The following RBFOX1 variants were observed in gnomAD, a reference collection of about 807,000 sequenced individuals.
The protein encoded by RBFOX1 is RNA binding protein fox-1 homolog 1.
A neutral mutation model predicts 57.7 loss-of-function variants in RBFOX1; 8 were observed. That is an observed-to-expected ratio of 0.14 (90% CI 0.08 to 0.25). RBFOX1 has a LOEUF of 0.25. Ranked by LOEUF, RBFOX1 falls within the 10% of genes least tolerant of loss-of-function variation. The pLI is 1.00. For synonymous variants in RBFOX1, 326 were observed against 222.4 expected (o/e 1.47, Z -4.15); for missense variants, 611 against 548.5 (o/e 1.11, Z -1.14).
At chr16:6,339,771 A>C (rs1160181585) in intron 2 of RBFOX1, among the ~76,000 whole-genome samples, 6 of 151,874 alleles carry the variant, frequency 4.0e-5, no homozygotes, top group Non-Finnish European at 5.9e-5. Flanking sequence ...CCCAGGTTCA[A>C]GCGATTCTCC....
intron 1 of RBFOX1, among the ~76,000 whole-genome samples, chr16:5,464,114 T>C (rs1355972269): frequency 6.6e-6 from 1 of 152,092 alleles, no homozygotes; most frequent in Non-Finnish European, 1.5e-5. Flanking sequence ...GCCTTCTGGG[T>C]GCCAGGAGGG....
At chr16:5,275,087 G>A (rs1332037856) in intron 1 of RBFOX1, among the ~76,000 whole-genome samples, 2 of 152,158 alleles carry the variant, frequency 1.3e-5, no homozygotes, top group African/African-American at 2.4e-5. Flanking sequence ...GCCACAATCC[G>A]CCTGTCAAGT....
Position 6,019,133 on chromosome 16 carries a change from C to T in RBFOX1, c.-986C>T, listed in dbSNP as rs557587994. 12 of 985,030 alleles carry T rather than the reference C, an allele frequency of 1.2e-5. No homozygotes were observed. The highest frequency in any genetic ancestry group is 6.2e-5 in the Admixed American group (1 of 16,230). 61.0% of individuals were successfully genotyped at this position (985,030 alleles called of 1,614,324 possible). ...TGCACACATTTTCTCGCGCTCTCTC[C>T]GGCTCTCCTTTGTTTATTTTCTAAT... On this transcript the variant is annotated 5_prime_UTR_variant, in exon 1 of 16. Transcript: ENST00000550418. This position sits in a 1 kb window ranked among gnomAD's most constrained non-coding sequence, Gnocchi z 4.2.
intron 4 of RBFOX1, among the ~76,000 whole-genome samples, chr16:7,213,593 C>T (rs1001746964): frequency 5.9e-5 from 9 of 152,034 alleles, no homozygotes; most frequent in African/African-American, 2.2e-4. Flanking sequence ...GAAATCATTC[C>T]CTTGGAGTAT....
intron 5 of RBFOX1, among the ~76,000 whole-genome samples, chr16:7,563,501 A>T (rs181221958): frequency 1.4e-3 from 207 of 152,144 alleles, no homozygotes; most frequent in Non-Finnish European, 1.3e-3. Flanking sequence ...AAAGTCTTAC[A>T]CTGTTGCCCA....
At position 6,870,681 on chromosome 16, in the gene RBFOX1, T is replaced by G. The variant is rs544393943; in HGVS notation, c.-15-181376T>G. On this transcript the variant is annotated intron_variant, in intron 3 of 15. Coordinates refer to ENST00000550418, the MANE Select transcript of RBFOX1 (RefSeq NM_018723.4). ...TGGGAATATTACCATAACCATAATTTTACAGCACAGTTTAATTATTTGGTT... is the reference window on the plus strand; with the variant it reads ...TGGGAATATTACCATAACCATAATTGTACAGCACAGTTTAATTATTTGGTT... Among the ~76,000 whole-genome samples the G allele has an allele frequency of 6.3e-4, 96 of 152,306 alleles. 1 individual carries two copies. Among genetic ancestry groups the G allele is most frequent in the African/African-American group, 2.3e-3 (94 of 41,584 alleles).
At chr16:7,553,405 A>G (rs181161821) in intron 5 of RBFOX1, among the ~76,000 whole-genome samples, 2 of 152,340 alleles carry the variant, frequency 1.3e-5, no homozygotes, top group Admixed American at 1.3e-4. Context: ...TTGGTCTTCC[A>G]AAGCACTGGG....
At chr16:7,191,424 T>C (rs895041399) in intron 4 of RBFOX1, among the ~76,000 whole-genome samples, 2 of 152,164 alleles carry the variant, frequency 1.3e-5, no homozygotes, top group African/African-American at 4.8e-5. Context: ...TGTTGTACAA[T>C]TGTCCTCATG....
intron 3 of RBFOX1, among the ~76,000 whole-genome samples, chr16:5,802,017 G>A (rs1358539464): frequency 6.6e-6 from 1 of 152,126 alleles, no homozygotes; most frequent in African/African-American, 2.4e-5. Flanking sequence ...TTCGCTGGAG[G>A]AAGAGGAGAC....
chr16:7,569,911 A>G (rs977726648), intron 5 of RBFOX1, among the ~76,000 whole-genome samples: 3 of 152,132 alleles, frequency 2.0e-5, no homozygotes, highest in Non-Finnish European at 2.9e-5. Context: ...TTTAACTTCA[A>G]TTTGAATGTA....
rs141088860 is a variant in RBFOX1, at chr16:7,122,225, G to A, written c.27+70127G>A. 5.9e-3 allele frequency among the ~76,000 whole-genome samples: 903 copies of A among 152,180 alleles called. 8 individuals carry two copies. Among genetic ancestry groups the A allele is most frequent in the Non-Finnish European group, 7.9e-3 (534 of 67,976 alleles). On this transcript the variant is annotated intron_variant, in intron 4 of 15. Coordinates refer to ENST00000550418, the MANE Select transcript of RBFOX1 (RefSeq NM_018723.4). ...TAAAAGAAAGAAAATACAAGAATCT[G>A]TAAAGAAATATTTGTAAACCACTCT...
At chr16:6,642,809 C>A (rs1374156534) in intron 2 of RBFOX1, among the ~76,000 whole-genome samples, 1 of 152,076 alleles carries the variant, frequency 6.6e-6, no homozygotes, top group Non-Finnish European at 1.5e-5. Flanking sequence ...TCCCCTTAGG[C>A]CCCCTGAAGA....
At chr16:6,500,498 A>C (rs987180348) in intron 2 of RBFOX1, among the ~76,000 whole-genome samples, 1 of 152,194 alleles carries the variant, frequency 6.6e-6, no homozygotes, top group African/African-American at 2.4e-5. Context: ...AGGTCTACAC[A>C]GATCAACTTT....
intron 3 of RBFOX1, among the ~76,000 whole-genome samples, chr16:6,692,069 T>C (rs1301336236): frequency 6.6e-6 from 1 of 152,220 alleles, no homozygotes; most frequent in African/African-American, 2.4e-5. Context: ...AGTCAGACTT[T>C]TAATATACAG....
chr16:7,342,829 A>G (rs1335927902), intron 4 of RBFOX1, among the ~76,000 whole-genome samples: 1 of 152,160 alleles, frequency 6.6e-6, no homozygotes, highest in African/African-American at 2.4e-5. Flanking sequence ...AATAGCCTGC[A>G]TAGTTGGAAT....
intron 3 of RBFOX1, among the ~76,000 whole-genome samples, chr16:6,842,489 A>G (rs867422876): frequency 6.6e-6 from 1 of 152,060 alleles, no homozygotes; most frequent in Non-Finnish European, 1.5e-5. Flanking sequence ...TGTTTAGAAA[A>G]ACCAAATTGA....
At chr16:6,252,016 G>C (rs2097617891) in intron 1 of RBFOX1, among the ~76,000 whole-genome samples, 1 of 151,098 alleles carries the variant, frequency 6.6e-6, no homozygotes, top group African/African-American at 2.5e-5. Context: ...TTAGGGTAAA[G>C]GAACTCCAGC....
chr16:6,468,344 C>T (rs2095098009), intron 2 of RBFOX1, among the ~76,000 whole-genome samples: 1 of 152,174 alleles, frequency 6.6e-6, no homozygotes. Flanking sequence ...GAACTTTAAG[C>T]TTGTGCCCCA....
At chr16:6,674,096 C>A (rs141285183) in intron 3 of RBFOX1, among the ~76,000 whole-genome samples, 5 of 152,142 alleles carry the variant, frequency 3.3e-5, no homozygotes, top group African/African-American at 1.2e-4. Flanking sequence ...CTAATAGAAA[C>A]ACCATTCAAA....
Sources: gnomAD v4.1 joint callset for allele counts (sites outside exome capture counted in the v4.1 genomes callset) on GRCh38, gnomAD v4.1.1 for gene constraint, Gnocchi (gnomAD v3.1) non-coding constraint, MANE v1.5 for transcripts, NCBI Gene and HGNC (gene_info 2026-07-23, HGNC 2026-07-21) for gene names.